Variants in CALR3 observed in about 807,000 individuals in gnomAD.
CALR3 encodes calreticulin 3.
In CALR3, 39 loss-of-function variants were observed where a neutral mutation model predicts 48.7. The observed-to-expected ratio is 0.80, with a 90% CI of 0.62 to 1.05. CALR3 has a LOEUF of 1.05. CALR3 is among the 50% of genes least tolerant of loss of function. CALR3 has a pLI of 0.00. For synonymous variants in CALR3, 185 were observed against 172.7 expected (o/e 1.07, Z -0.56); for missense variants, 449 against 474.7 (o/e 0.95, Z 0.50).
intron 2 of CALR3, among the ~76,000 whole-genome samples, chr19:16,494,070 T>C (rs184328265): frequency 6.6e-6 from 1 of 151,970 alleles, no homozygotes; most frequent in East Asian, 1.9e-4. Flanking sequence ...TTTTTTTCTT[T>C]TATTTTTTGA....
At chr19:16,483,721 A>T in intron 5 of CALR3, 1 of 568,668 alleles carries the variant, frequency 1.8e-6, no homozygotes, top group Non-Finnish European at 3.1e-6. Flanking sequence ...TCTGTCTCAA[A>T]AAATAAATAA....
At chr19:16,494,559 A>G (rs1212616929) in intron 2 of CALR3, among the ~76,000 whole-genome samples, 1 of 150,200 alleles carries the variant, frequency 6.7e-6, no homozygotes, top group East Asian at 2.0e-4. Context: ...ACAGGGTGTC[A>G]CCGTATTGGC....
intron 8 of CALR3, 132 bp downstream of exon 8, chr19:16,480,482 G>A (rs2093378906): frequency 1.5e-6 from 1 of 678,138 alleles, no homozygotes; most frequent in Non-Finnish European, 2.7e-6. Context: ...AACCCGGGAG[G>A]TGGAGGTTGC....
intron 5 of CALR3, among the ~76,000 whole-genome samples, chr19:16,483,458 C>G (rs1043240687): frequency 6.6e-6 from 1 of 152,144 alleles, no homozygotes; most frequent in Non-Finnish European, 1.5e-5. Flanking sequence ...TGGCTCACAC[C>G]TGTAATCCCA....
intron 7 of CALR3, 120 bp downstream of exon 7, chr19:16,482,330 G>T: frequency 7.1e-7 from 1 of 1,401,778 alleles, no homozygotes; most frequent in Non-Finnish European, 9.8e-7. Flanking sequence ...AGTGAGCTAG[G>T]ATGGTGCCAC....
At chr19:16,486,850 G>A (rs984288966) in intron 3 of CALR3, among the ~76,000 whole-genome samples, 1 of 152,070 alleles carries the variant, frequency 6.6e-6, no homozygotes, top group Non-Finnish European at 1.5e-5. Flanking sequence ...TTGCAACAAA[G>A]TGTCCCAATA....
In CALR3 at chr19:16,482,549, G is replaced by A. The variant is rs371638034; in HGVS notation, c.819C>T (p.Asp273=). The A allele has an allele frequency of 3.7e-6, 6 of 1,614,150 alleles. No individual in the cohort carries two copies. In the South Asian group the frequency reaches 5.5e-5, roughly 15 times the overall value. ...DGLKPEGIHK[D]VWLHRKMKNT... is the part of the protein sequence containing the mutation. ...TCTTCATCTTACGGTGGAGCCAGAC[G>A]TCTTTATGAATACCTTCTGGTTTCA... The change falls in exon 7 of 9, where the codon GAC becomes GAT. Residue 273 remains aspartate (D), a synonymous_variant. Transcript: ENST00000269881.
rs2093407177 is a variant in CALR3, at chr19:16,495,828, T to C, written c.116A>G (p.Gln39Arg). Residue 39 changes from glutamine (Q) to arginine (R), a missense_variant, in exon 2 of 9, where the codon CAG becomes CGG. Physicochemically the swap from Gln to Arg is conservative, Grantham distance 43 (BLOSUM62 1). Transcript: ENST00000269881. ...CCCAAATCGGGAGTCATTGGTGGAC[T>C]GCAACCATCGGTTTCTCCAATGCTC... ...DGEHWRNRWL[Q>R]STNDSRFGHF... 4 of 1,614,144 alleles carry C rather than the reference T, an allele frequency of 2.5e-6. No homozygotes were observed. The highest frequency in any genetic ancestry group is 1.1e-5 in the South Asian group (1 of 91,088).
At chr19:16,479,329 T>G in intron 8 of CALR3, 55 bp from the exon 9 acceptor site, 1 of 1,606,658 alleles carries the variant, frequency 6.2e-7, no homozygotes, top group East Asian at 2.2e-5. Flanking sequence ...CTCGTGCCTG[T>G]AATCCCAGCA....
At chr19:16,484,178 C>CTTTTTTTTTTTT in intron 4 of CALR3, 63 bp from the exon 5 acceptor site, 2 of 1,079,430 alleles carry the variant, frequency 1.9e-6, no homozygotes, top group Non-Finnish European at 2.6e-6. Flanking sequence ...CTTTTCTTTT[C>CTTTTTTTTTTTT]TTTTTTTTTT....
intron 3 of CALR3, among the ~76,000 whole-genome samples, chr19:16,488,971 T>C (rs2093393504): frequency 6.6e-6 from 1 of 152,212 alleles, no homozygotes; most frequent in African/African-American, 2.4e-5. Context: ...AGACAACATA[T>C]AAATGAACAG....
intron 3 of CALR3, among the ~76,000 whole-genome samples, chr19:16,488,442 T>C (rs1284734201): frequency 1.3e-5 from 2 of 152,144 alleles, no homozygotes; most frequent in African/African-American, 2.4e-5. Context: ...TCTCGTTCTG[T>C]TACCCAGGCT....
intron 2 of CALR3, among the ~76,000 whole-genome samples, chr19:16,493,172 A>G (rs1173810025): frequency 6.6e-6 from 1 of 152,246 alleles, no homozygotes; most frequent in African/African-American, 2.4e-5. Flanking sequence ...ACTAGGACAA[A>G]CCAGAGACCA....
In CALR3 at chr19:16,484,087, A is replaced by G. The variant is rs1248561462; in HGVS notation, c.521T>C (p.Leu174Pro). 2 of 1,613,718 alleles carry G rather than the reference A, an allele frequency of 1.2e-6. No individual in the cohort carries two copies. Among genetic ancestry groups the G allele is most frequent in the Admixed American group, 3.3e-5 (2 of 59,958 alleles). ...ATAAGAAAGATCTGGTCTTAAAATT[A>G]GAGTGTACAGGTGTGTGAAGCCATC... ...KVDGFTHLYT[L>P]ILRPDLSYDV... The change falls in exon 5 of 9, where the codon CTA (leucine) becomes CCA (proline). Residue 174 changes from leucine (L) to proline (P), a missense_variant. Transcript: ENST00000269881.
At position 16,484,156 on chromosome 19, in the gene CALR3, A is replaced by G. The variant is rs10413787; in HGVS notation, c.493-41T>C. On this transcript the variant is annotated intron_variant, in intron 4 of 8. Transcript: ENST00000269881. ...GGAAAAGCGTAACAATTAAATCCTCAATTTCTTTTTTCTTTTCTTTTCTTT... is the reference window on the plus strand; with the variant it reads ...GGAAAAGCGTAACAATTAAATCCTCGATTTCTTTTTTCTTTTCTTTTCTTT... 1,042,742 of 1,505,710 alleles carry G rather than the reference A, an allele frequency of 0.69. 364,863 individuals carry two copies. Among genetic ancestry groups the G allele is most frequent in the Middle Eastern group, 0.77 (3,691 of 4,822 alleles). The allele number at this position is 1,505,710 out of a possible 1,614,324, so 93.3% of individuals were successfully genotyped here.
chr19:16,481,278 T>C (rs2093380268), intron 7 of CALR3, among the ~76,000 whole-genome samples: 1 of 152,052 alleles, frequency 6.6e-6, no homozygotes, highest in Admixed American at 6.6e-5. Context: ...TGATGTGACA[T>C]ATGTAACAAC....
chr19:16,479,298 A>G, intron 8 of CALR3, 24 bp from the exon 9 acceptor site: 1 of 1,613,504 alleles, frequency 6.2e-7, no homozygotes, highest in Non-Finnish European at 8.5e-7. Context: ...GAAAAAACAT[A>G]AGCCCCACCG....
At chr19:16,482,279 G>A (rs1267084903) in intron 7 of CALR3, among the ~76,000 whole-genome samples, 171 bp downstream of exon 7, 1 of 152,040 alleles carries the variant, frequency 6.6e-6, no homozygotes, top group African/African-American at 2.4e-5. Context: ...CTACTTGGGA[G>A]GCTGAGGTGG....
At chr19:16,493,915 A>T (rs2093401782) in intron 2 of CALR3, among the ~76,000 whole-genome samples, 1 of 151,854 alleles carries the variant, frequency 6.6e-6, no homozygotes, top group African/African-American at 2.4e-5. Context: ...TTTAATAGAG[A>T]CGGAGTTTCG....
Sources: gnomAD v4.1 joint callset for allele counts (sites outside exome capture counted in the v4.1 genomes callset) on GRCh38, gnomAD v4.1.1 for gene constraint, MANE v1.5 for transcripts, NCBI Gene and HGNC (gene_info 2026-07-23, HGNC 2026-07-21) for gene names.